Variants in PIGN observed in about 807,000 individuals in gnomAD.
PIGN encodes the protein phosphatidylinositol glycan anchor biosynthesis class N.
Under a neutral mutation model 125.4 loss-of-function variants are expected in PIGN, and 117 were observed. That is an observed-to-expected ratio of 0.93 (90% CI 0.80 to 1.09). The LOEUF (loss-of-function observed/expected upper bound fraction) is 1.09. Ranked by LOEUF, PIGN falls within the 50% of genes least tolerant of loss-of-function variation. The pLI is 0.00. For synonymous variants in PIGN, 392 were observed against 377.8 expected (o/e 1.04, Z -0.44); for missense variants, 1,075 against 1,094.9 (o/e 0.98, Z 0.26).
chr18:62,118,429 G>C (rs1168998926), intron 14 of PIGN: 1 of 151,124 alleles, frequency 6.6e-6, no homozygotes, highest in African/African-American at 2.4e-5. Context: ...GTAATGAAAG[G>C]CTAAGATCCT....
chr18:62,035,028 G>T (rs1303721604), intron 23 of PIGN, among the ~76,000 whole-genome samples: 1 of 152,086 alleles, frequency 6.6e-6, no homozygotes, highest in African/African-American at 2.4e-5. Flanking sequence ...AAACCATGGG[G>T]GTGGGTTTCT....
At chr18:62,079,481 G>C (rs1037821671) in intron 28 of PIGN, among the ~76,000 whole-genome samples, 1 of 152,164 alleles carries the variant, frequency 6.6e-6, no homozygotes, top group Non-Finnish European at 1.5e-5. Context: ...ATATGCTTTA[G>C]ATTTAAGACT....
At position 62,113,177 on chromosome 18, in the gene PIGN, T is replaced by A. The variant is rs1482534863; in HGVS notation, c.1391A>T (p.Lys464Met). The part of the protein sequence containing the change: ...WISYASLLII[K>M]SHSNLIKGVS... ...ACCTTTTATAAGGTTGGAATGAGAC[T>A]TGATGATCAACAAAGAGGCATAAGA... Residue 464 changes from lysine to methionine, a missense_variant, in exon 16 of 31, where the codon AAG (lysine) becomes ATG (methionine). Lys to Met is a moderately conservative substitution (Grantham distance 95). Coordinates refer to ENST00000640252, the MANE Select transcript of PIGN (RefSeq NM_176787.5). 1 of 1,612,442 alleles carries A rather than the reference T, an allele frequency of 6.2e-7. No homozygotes were observed. The highest frequency in any genetic ancestry group is 1.1e-5 in the South Asian group (1 of 90,912).
Position 62,072,775 on chromosome 18 carries a change from G to C in PIGN, c.2620-50C>G, listed in dbSNP as rs1430696049. 2.9e-6 allele frequency: 4 copies of C among 1,392,954 alleles called. No individual in the cohort carries two copies. In the East Asian group the frequency reaches 7.2e-5, roughly 25 times the overall value. The allele number at this position is 1,392,954 out of a possible 1,614,324, so 86.3% of individuals were successfully genotyped here. On this transcript the variant is annotated intron_variant, in intron 29 of 30. Coordinates refer to ENST00000640252, the MANE Select transcript of PIGN (RefSeq NM_176787.5). ...TGAAAAACAAAGCTATTTAGATTCAGTCTAAAAACAAAGCTATTTTAGGAC... is the reference window on the plus strand; with the variant it reads ...TGAAAAACAAAGCTATTTAGATTCACTCTAAAAACAAAGCTATTTTAGGAC...
intron 16 of PIGN, among the ~76,000 whole-genome samples, chr18:62,111,311 T>C (rs1403014673): frequency 6.6e-6 from 1 of 152,110 alleles, no homozygotes; most frequent in African/African-American, 2.4e-5. Flanking sequence ...CAATACATAC[T>C]ACTATTAACC....
intron 30 of PIGN, among the ~76,000 whole-genome samples, chr18:62,060,176 G>A (rs190875007): frequency 6.6e-6 from 1 of 152,256 alleles, no homozygotes; most frequent in Admixed American, 6.5e-5. Flanking sequence ...ATCAAGTCTT[G>A]GTGTCATCTC....
intron 20 of PIGN, among the ~76,000 whole-genome samples, chr18:62,104,683 A>G (rs1238761072): frequency 3.3e-5 from 5 of 152,184 alleles, no homozygotes; most frequent in Admixed American, 6.5e-5. Flanking sequence ...AAATCAGCAC[A>G]TATTTTTACA....
At chr18:62,064,813 G>A (rs1000362432) in intron 30 of PIGN, among the ~76,000 whole-genome samples, 6 of 151,970 alleles carry the variant, frequency 3.9e-5, no homozygotes, top group Admixed American at 1.3e-4. Flanking sequence ...TTTTTCTGTG[G>A]CAAAACAATA....
intron 11 of PIGN, 43 bp from the exon 12 acceptor site, chr18:62,140,522 A>C (rs1379058746): frequency 9.9e-7 from 1 of 1,009,532 alleles, no homozygotes; most frequent in Non-Finnish European, 1.5e-6. Flanking sequence ...TATGGACATC[A>C]ACAAAGAAAT....
intron 30 of PIGN, among the ~76,000 whole-genome samples, chr18:62,055,400 G>C (rs1568122647): frequency 6.6e-6 from 1 of 151,960 alleles, no homozygotes; most frequent in Non-Finnish European, 1.5e-5. Context: ...ACTCCAAAAA[G>C]TTACATACTA....
At chr18:62,169,272 CAT>C (rs56209080) in intron 1 of PIGN, among the ~76,000 whole-genome samples, 26,016 of 152,140 alleles carry the variant, frequency 0.17, 2,797 homozygotes, top group Middle Eastern at 0.29. Flanking sequence ...CTTTTAGAAT[CAT>C]ATATGTTTGT....
At chr18:62,074,902 G>T in intron 28 of PIGN, 81 bp from the exon 29 acceptor site, 3 of 890,460 alleles carry the variant, frequency 3.4e-6, no homozygotes, top group Non-Finnish European at 5.4e-6. Flanking sequence ...GTGAGACTAG[G>T]CAAATAACCT....
chr18:62,092,244 C>A (rs529235253), intron 23 of PIGN, among the ~76,000 whole-genome samples: 1 of 152,092 alleles, frequency 6.6e-6, no homozygotes, highest in East Asian at 1.9e-4. Flanking sequence ...ATTAATATAA[C>A]ATTTGATATT....
chr18:62,102,734 C>T, intron 21 of PIGN, 60 bp downstream of exon 21: 1 of 751,170 alleles, frequency 1.3e-6, no homozygotes, highest in Non-Finnish European at 2.1e-6. Flanking sequence ...TTAAATATAA[C>T]CATAAGACAC....
intron 14 of PIGN, chr18:62,137,946 CT>C: frequency 3.4e-6 from 1 of 294,264 alleles, no homozygotes; most frequent in Non-Finnish European, 6.3e-6. Context: ...GGAAGTCACA[CT>C]CGTTCCTGCC....
chr18:62,160,237 A>G (rs1006756882), intron 4 of PIGN, among the ~76,000 whole-genome samples: 4 of 152,222 alleles, frequency 2.6e-5, no homozygotes, highest in Non-Finnish European at 5.9e-5. Flanking sequence ...ATCTCTCCAT[A>G]ACAGCATTAC....
intron 30 of PIGN, among the ~76,000 whole-genome samples, chr18:62,060,577 T>A (rs1410110391): frequency 6.6e-6 from 1 of 152,218 alleles, no homozygotes; most frequent in Non-Finnish European, 1.5e-5. Context: ...TTGAATAGAA[T>A]CATGAGTTCT....
intron 14 of PIGN, among the ~76,000 whole-genome samples, chr18:62,117,331 T>A (rs2035124551): frequency 6.6e-6 from 1 of 152,084 alleles, no homozygotes; most frequent in Non-Finnish European, 1.5e-5. Flanking sequence ...ATGTTCAGAT[T>A]TATGTAAACA....
rs1166539039 is a variant in PIGN at position 62,105,579 on chromosome 18, A to G, written c.1823T>C (p.Met608Thr). ...FSLLLAVFPL[M>T]PVVGRKPDIS... ...GTCTGGCTTTCGACCTACAACCGGC[A>G]TCAGTGGGAACACTGCCAGGAGCAA... Residue 608 changes from methionine to threonine, a missense_variant, in exon 20 of 31, where the codon ATG becomes ACG. Met to Thr is a moderately conservative substitution (Grantham distance 81). Transcript: ENST00000640252. The G allele has an allele frequency of 6.4e-7, 1 of 1,555,364 alleles. No homozygotes were observed. Among genetic ancestry groups the G allele is most frequent in the Non-Finnish European group, 8.7e-7 (1 of 1,148,646 alleles).
Sources: gnomAD v4.1 joint callset for allele counts (sites outside exome capture counted in the v4.1 genomes callset) on GRCh38, gnomAD v4.1.1 for gene constraint, MANE v1.5 for transcripts, NCBI Gene and HGNC (gene_info 2026-07-23, HGNC 2026-07-21) for gene names.